The following MYH13 variants were observed in gnomAD, a reference collection of about 807,000 sequenced individuals.
The protein encoded by MYH13 is myosin heavy chain 13.
A neutral mutation model predicts 232.1 loss-of-function variants in MYH13; 177 were observed. The ratio of observed to expected loss-of-function variants is 0.76; its 90% CI spans 0.67 to 0.86. The LOEUF (loss-of-function observed/expected upper bound fraction) is 0.86. MYH13 is among the 40% of genes least tolerant of loss of function. The pLI is 0.00. For synonymous variants in MYH13, 884 were observed against 923.5 expected (o/e 0.96, Z 0.78); for missense variants, 2,246 against 2,405.9 (o/e 0.93, Z 1.39).
chr17:10,351,803 T>C (rs2071712707), intron 11 of MYH13, among the ~76,000 whole-genome samples: 1 of 152,162 alleles, frequency 6.6e-6, no homozygotes, highest in Non-Finnish European at 1.5e-5. Context: ...GGTACACATA[T>C]TGATTATGCA....
At chr17:10,370,538 C>G (rs1398586543) in intron 2 of MYH13, among the ~76,000 whole-genome samples, 1 of 152,148 alleles carries the variant, frequency 6.6e-6, no homozygotes, top group Non-Finnish European at 1.5e-5. Context: ...ATGACTACCC[C>G]CGCCTGCCTA....
chr17:10,311,236 G>T lies in MYH13; in HGVS notation c.4532-9C>A. 6.2e-7 allele frequency: 1 copy of T among 1,613,852 alleles called. No individual in the cohort carries two copies. Among genetic ancestry groups the T allele is most frequent in the African/African-American group, 1.3e-5 (1 of 75,048 alleles). ...TAAGTCGGAAATCTCTTCTGCAAAG[G>T]ACAGGCTTGATTTAGGCTGTTTCAA... is the stretch of plus-strand genomic sequence containing the variant. On this transcript the variant is annotated splice_polypyrimidine_tract_variant and intron_variant, in intron 32 of 40. Transcript: ENST00000252172.
At position 10,313,410 on chromosome 17, in the gene MYH13, G is replaced by C. The variant is rs1246307593; in HGVS notation, c.3985-56C>G. 1.9e-6 allele frequency: 3 copies of C among 1,610,152 alleles called. No individual in the cohort carries two copies. In the Admixed American group the frequency reaches 5.0e-5, roughly 27 times the overall value. Reference sequence around the variant, plus strand: ...AACATTTGACCCTTTTCCAAGTTCAGGTATTTTCATTTAAATCGCTTTCCC... The same window carrying C: ...AACATTTGACCCTTTTCCAAGTTCACGTATTTTCATTTAAATCGCTTTCCC... On this transcript the variant is annotated intron_variant, in intron 29 of 40. Coordinates refer to ENST00000252172, the MANE Select transcript of MYH13 (RefSeq NM_003802.3).
chr17:10,364,435 G>A lies in MYH13; in HGVS notation c.96C>T (p.Phe32=), dbSNP rs189377998. Residue 32 remains phenylalanine, a synonymous_variant, in exon 3 of 41, where the codon TTC becomes TTT. Transcript: ENST00000252172. ...KERIEAQNRP[F]DSKKACFVAD... is the part of the protein sequence containing the mutation. Reference sequence around the variant, plus strand: ...CTACAAAGCAGGCTTTCTTGGAATCGAATGGACGATTTTGAGCCTCGATTC... The same window carrying A: ...CTACAAAGCAGGCTTTCTTGGAATCAAATGGACGATTTTGAGCCTCGATTC... 13 of 1,613,294 alleles carry A rather than the reference G, an allele frequency of 8.1e-6. No individual in the cohort carries two copies. The highest frequency in any genetic ancestry group is 3.3e-4 in the Middle Eastern group (2 of 6,060).
chr17:10,312,879 A>G (rs1259543824), intron 30 of MYH13, 122 bp from the exon 31 acceptor site: 2 of 1,221,408 alleles, frequency 1.6e-6, no homozygotes, highest in Admixed American at 2.8e-5. Flanking sequence ...ACCAAGACCT[A>G]GGATTTGGTG....
chr17:10,324,019 C>T lies in MYH13; in HGVS notation c.2934+3G>A. 1 of 1,613,678 alleles carries T rather than the reference C, an allele frequency of 6.2e-7. No individual in the cohort carries two copies. The highest frequency in any genetic ancestry group is 1.1e-5 in the South Asian group (1 of 90,988). On this transcript the variant is annotated splice_donor_region_variant and intron_variant, in intron 23 of 40. Coordinates refer to ENST00000252172, the MANE Select transcript of MYH13 (RefSeq NM_003802.3). ...ACTGTGGGAGTCCCTTGGGTTTGCT[C>T]ACCTTGTTCTCTGTGGCATGCTTCT... is the stretch of plus-strand genomic sequence containing the variant.
intron 39 of MYH13, among the ~76,000 whole-genome samples, 171 bp downstream of exon 39, chr17:10,303,025 G>C (rs532830870): frequency 6.6e-6 from 1 of 152,020 alleles, no homozygotes; most frequent in African/African-American, 2.4e-5. Flanking sequence ...GGTCGTGAAG[G>C]CTTAACATGG....
At chr17:10,364,246 C>G in intron 3 of MYH13, 81 bp downstream of exon 3, 1 of 1,390,672 alleles carries the variant, frequency 7.2e-7, no homozygotes, top group Non-Finnish European at 1.0e-6. Flanking sequence ...TCCGAAGGAC[C>G]AGCATGCAAT....
At chr17:10,361,789 A>G (rs184966391) in intron 5 of MYH13, among the ~76,000 whole-genome samples, 1 of 152,332 alleles carries the variant, frequency 6.6e-6, no homozygotes, top group African/African-American at 2.4e-5. Flanking sequence ...TCTCCAACGT[A>G]GCATTCCCTG....
At position 10,344,836 on chromosome 17, in the gene MYH13, A is replaced by T. The variant is rs1487410061; in HGVS notation, c.1584+366T>A. ...ACTCCGTCTCAAAAAAAAAAAAAAA[A>T]AAAAAAGTTAATATCTATTCCTGTT... On this transcript the variant is annotated intron_variant, in intron 15 of 40. Transcript: ENST00000252172. 2.0e-5 allele frequency among the ~76,000 whole-genome samples: 3 copies of T among 150,500 alleles called. No homozygotes were observed. The Admixed American group carries it at 2.0e-4, about 10-fold the overall frequency.
At position 10,312,146 on chromosome 17, in the gene MYH13, G is replaced by A; in HGVS notation, c.4366-70C>T. ...GACTCAGAAGAGTTCATGCAAACAA[G>A]GGCTGTCAGTAACACCAACGTTTTG... On this transcript the variant is annotated intron_variant, in intron 31 of 40. Transcript: ENST00000252172. The A allele has an allele frequency of 2.6e-6, 4 of 1,554,814 alleles. No homozygotes were observed. In the South Asian group the frequency reaches 4.7e-5, roughly 18 times the overall value.
rs776794607 is a variant in MYH13, at chr17:10,306,667, G to A, written c.5296-38C>T. ...ACAGGACACATCAGAGGCCCTGTCCGCCCATCCCTACCCAGAGCTTGCAGA... is the reference window on the plus strand; with the variant it reads ...ACAGGACACATCAGAGGCCCTGTCCACCCATCCCTACCCAGAGCTTGCAGA... On this transcript the variant is annotated intron_variant, in intron 36 of 40. Transcript: ENST00000252172. This position sits in a 1 kb window ranked among gnomAD's most constrained non-coding sequence, Gnocchi z 4.3. The A allele has an allele frequency of 8.1e-6, 13 of 1,611,438 alleles. No individual in the cohort carries two copies. The highest frequency in any genetic ancestry group is 1.3e-5 in the African/African-American group (1 of 74,818).
intron 23 of MYH13, among the ~76,000 whole-genome samples, chr17:10,322,117 G>C (rs1906963571): frequency 1.3e-5 from 2 of 152,174 alleles, no homozygotes; most frequent in African/African-American, 4.8e-5. Context: ...TTCACGCCGG[G>C]CGCGGTGGCT....
intron 40 of MYH13, 81 bp from the exon 41 acceptor site, chr17:10,301,046 T>A: frequency 8.0e-7 from 1 of 1,244,638 alleles, no homozygotes; most frequent in Non-Finnish European, 1.2e-6. Context: ...GTGAAGCAGC[T>A]GGAAAATCTG....
At chr17:10,364,015 G>A (rs2071813792) in intron 3 of MYH13, among the ~76,000 whole-genome samples, 1 of 152,174 alleles carries the variant, frequency 6.6e-6, no homozygotes, top group Non-Finnish European at 1.5e-5. Context: ...AGCCCAGAGA[G>A]GTATAATTGG....
chr17:10,309,489 G>A (rs762051870), intron 34 of MYH13, 33 bp downstream of exon 34: 22 of 1,601,578 alleles, frequency 1.4e-5, no homozygotes, highest in Non-Finnish European at 1.7e-5. Flanking sequence ...GCTGGGGCCC[G>A]TCCAGGTACG....
intron 37 of MYH13, 29 bp from the exon 38 acceptor site, chr17:10,303,527 C>A (rs1906178106): frequency 6.3e-7 from 1 of 1,588,774 alleles, no homozygotes; most frequent in African/African-American, 1.3e-5. Context: ...ACACAGAATT[C>A]AAATCTCCTC....
Position 10,359,823 on chromosome 17 carries a change from G to A in MYH13, c.645+137C>T, listed in dbSNP as rs1355170301. The A allele has an allele frequency of 1.1e-5, 8 of 723,686 alleles. No individual in the cohort carries two copies. In the Admixed American group the frequency reaches 1.8e-4, roughly 17 times the overall value. 44.8% of individuals were successfully genotyped at this position (723,686 alleles called of 1,614,324 possible). On this transcript the variant is annotated intron_variant, in intron 7 of 40. Coordinates refer to ENST00000252172, the MANE Select transcript of MYH13 (RefSeq NM_003802.3). ...TTGATGGCAGACACGTTCTGTGTGA[G>A]GATACAGAGAGGAAAGAAAGAATTT...
At chr17:10,343,690 T>G (rs1187667615) in intron 16 of MYH13, 110 bp downstream of exon 16, 8 of 1,228,296 alleles carry the variant, frequency 6.5e-6, no homozygotes, top group Non-Finnish European at 8.8e-6. Flanking sequence ...AAGAGAAACA[T>G]CATACTCAGC....
Sources: allele counts gnomAD v4.1 joint callset (sites outside exome capture counted in the v4.1 genomes callset), GRCh38; gene constraint gnomAD v4.1.1; non-coding constraint Gnocchi (gnomAD v3.1); transcripts MANE v1.5; gene names NCBI Gene and HGNC (gene_info 2026-07-23, HGNC 2026-07-21).